The following LDB3 variants were observed in gnomAD, a reference collection of about 807,000 sequenced individuals.
LDB3 encodes the protein LIM domain-binding protein 3.
Under a neutral mutation model 69.0 loss-of-function variants are expected in LDB3, and 49 were observed. The ratio of observed to expected loss-of-function variants is 0.71; its 90% confidence interval spans 0.56 to 0.90. The LOEUF is 0.90. Ranked by LOEUF, LDB3 falls within the 40% of genes least tolerant of loss-of-function variation. The pLI is 0.00. For synonymous variants in LDB3, 387 were observed against 396.2 expected (o/e 0.98, Z 0.28); for missense variants, 928 against 974.1 (o/e 0.95, Z 0.63).
rs1048561969 is a variant in LDB3 at position 86,726,318 on chromosome 10, T to C, written c.2094+66T>C. The C allele has an allele frequency of 7.9e-6, 10 of 1,267,418 alleles. No homozygotes were observed. In the African/African-American group the frequency reaches 1.5e-4, roughly 19 times the overall value. The allele number at this position is 1,267,418 out of a possible 1,614,324, so 78.5% of individuals were successfully genotyped here. ...CAGGAGGGAGGAAGTGGGAGCCAGA[T>C]GACCAACCTCTACATACCTTGCCAC... On this transcript the variant is annotated intron_variant, in intron 13 of 13. Coordinates refer to ENST00000361373, the MANE Select transcript of LDB3 (RefSeq NM_007078.3).
At chr10:86,673,830 C>T (rs1844620245) in intron 2 of LDB3, among the ~76,000 whole-genome samples, 1 of 152,216 alleles carries the variant, frequency 6.6e-6, no homozygotes, top group African/African-American at 2.4e-5. Flanking sequence ...AAGGCAGGGG[C>T]CTGCCTGGTT....
rs183323335 is a variant in LDB3 at position 86,675,400 on chromosome 10, G to T, written c.94-3967G>T. Among the ~76,000 whole-genome samples the T allele has an allele frequency of 4.5e-3, 692 of 152,350 alleles. 5 individuals are homozygous for T. Among genetic ancestry groups the T allele is most frequent in the African/African-American group, 0.016 (658 of 41,588 alleles). On this transcript the variant is annotated intron_variant, in intron 2 of 13. Transcript: ENST00000361373. ...TCTTGGATATCATTCTGTTGCCCTT[G>T]CTCATGCTGTCATCATGATCTTCTG...
At chr10:86,712,985 C>T (rs1846723731) in intron 9 of LDB3, among the ~76,000 whole-genome samples, 1 of 152,030 alleles carries the variant, frequency 6.6e-6, no homozygotes, top group Non-Finnish European at 1.5e-5. Flanking sequence ...CACTTGAACC[C>T]AGGAGGCAGA....
At chr10:86,671,979 G>A (rs1464001034) in intron 2 of LDB3, among the ~76,000 whole-genome samples, 1 of 152,184 alleles carries the variant, frequency 6.6e-6, no homozygotes, top group African/African-American at 2.4e-5. Flanking sequence ...AGGTGTGGTG[G>A]TACATGCTTG....
chr10:86,705,857 G>A (rs1182956689), intron 7 of LDB3, among the ~76,000 whole-genome samples: 1 of 152,198 alleles, frequency 6.6e-6, no homozygotes, highest in Non-Finnish European at 1.5e-5. Context: ...CTCACCATGG[G>A]CATGGGGAAC....
rs1196423302 is a variant in LDB3 at position 86,734,853 on chromosome 10, G to T, written c.*1877G>T. The T allele has an allele frequency of 6.6e-6, 1 of 152,210 alleles. No homozygotes were observed. The highest frequency in any genetic ancestry group is 2.4e-5 in the African/African-American group (1 of 41,448). The allele number at this position is 152,210 out of a possible 1,614,324, so 9.4% of individuals were successfully genotyped here. On this transcript the variant is annotated 3_prime_UTR_variant, in exon 14 of 14. Transcript: ENST00000361373. ...GCCTGGAGATTTGTCAGGAGCTGCA[G>T]ACAAGTACCTTGGAGCATTCTGTTA...
At chr10:86,672,992 TC>T (rs779194468) in intron 2 of LDB3, among the ~76,000 whole-genome samples, 1 of 152,148 alleles carries the variant, frequency 6.6e-6, no homozygotes, top group Non-Finnish European at 1.5e-5. Flanking sequence ...TTCTGCATGG[TC>T]CCCTCTCATC....
rs147072071 is a variant in LDB3 at position 86,716,582 on chromosome 10, T to C, written c.1487T>C (p.Phe496Ser). 181 of 1,613,196 alleles carry C rather than the reference T, an allele frequency of 1.1e-4. No individual in the cohort carries two copies. The highest frequency in any genetic ancestry group is 1.4e-4 in the Non-Finnish European group (162 of 1,179,880). ...SRPPWVTDDS[F>S]SQKFAPGKST... ...CCACCCTGGGTGACAGATGATAGCT[T>C]CTCCCAGAAGTTTGCCCCGGGCAAG... The change falls in exon 10 of 14, where the codon TTC becomes TCC. Residue 496 changes from phenylalanine to serine, a missense_variant. Physicochemically the swap from Phe to Ser is radical, Grantham distance 155. Transcript: ENST00000361373.
chr10:86,718,905 C>A, intron 12 of LDB3, 58 bp downstream of exon 12: 1 of 1,607,302 alleles, frequency 6.2e-7, no homozygotes, highest in Non-Finnish European at 8.5e-7. Context: ...AAGGGGCAGG[C>A]ACAGGGAACT....
intron 12 of LDB3, among the ~76,000 whole-genome samples, chr10:86,722,793 T>C (rs189392941): frequency 5.9e-4 from 89 of 151,012 alleles, no homozygotes; most frequent in African/African-American, 1.8e-3. Context: ...GGTCTTGAAC[T>C]CCTGACCTCG....
intron 10 of LDB3, 136 bp downstream of exon 10, chr10:86,716,907 C>T: frequency 2.1e-6 from 2 of 942,982 alleles, no homozygotes; most frequent in Non-Finnish European, 3.3e-6. Flanking sequence ...GTCCTTCTGG[C>T]TTGCCATCTG....
chr10:86,689,238 T>C (rs1206246174), intron 5 of LDB3, among the ~76,000 whole-genome samples: 1 of 152,114 alleles, frequency 6.6e-6, no homozygotes, highest in East Asian at 1.9e-4. Context: ...CACTCACGGC[T>C]GGGTTTTCCT....
intron 9 of LDB3, among the ~76,000 whole-genome samples, chr10:86,710,844 C>T (rs947723276): frequency 4.6e-5 from 7 of 152,206 alleles, no homozygotes; most frequent in African/African-American, 1.7e-4. Context: ...AGACAGAGGC[C>T]GGTGCCACGG....
intron 13 of LDB3, among the ~76,000 whole-genome samples, chr10:86,730,954 A>C (rs1589689684): frequency 6.6e-6 from 1 of 151,864 alleles, no homozygotes; most frequent in African/African-American, 2.4e-5. Flanking sequence ...GGAGTTTGAA[A>C]CCAGCCTGGC....
chr10:86,702,532 C>T (rs751783966), intron 7 of LDB3, among the ~76,000 whole-genome samples: 22 of 152,182 alleles, frequency 1.4e-4, no homozygotes, highest in Non-Finnish European at 2.4e-4. Context: ...GCCACGCCAA[C>T]CCCCCATGGA....
In LDB3 at chr10:86,709,918, T is replaced by C. The variant is rs1589667198; in HGVS notation, c.1099T>C (p.Ser367Pro). Residue 367 changes from serine to proline, a missense_variant, in exon 9 of 14, where the codon TCC (serine) becomes CCC (proline). Coordinates refer to ENST00000361373, the MANE Select transcript of LDB3 (RefSeq NM_007078.3). ...GCTTGGTTCCAGGCCCCAGGCCTCT[T>C]CCTACAGCCCCGCAGTGGCCGCCTC... ...PADSPRPQAS[S>P]YSPAVAASSA... The C allele has an allele frequency of 1.2e-6, 2 of 1,611,244 alleles. No homozygotes were observed. Among genetic ancestry groups the C allele is most frequent in the Middle Eastern group, 1.7e-4 (1 of 5,880 alleles).
Position 86,681,692 on chromosome 10 carries a change from G to A in LDB3, c.578G>A (p.Arg193Lys), listed in dbSNP as rs1280197779. ...GCCCTGCCGGGCTCGAGCCAGCCGAGGCAATATAACAACCCCATTGGCCTG... is the reference window on the plus strand; with the variant it reads ...GCCCTGCCGGGCTCGAGCCAGCCGAAGCAATATAACAACCCCATTGGCCTG... ...PKALPGSSQP[R>K]QYNNPIGLYS... is the part of the protein sequence containing the mutation. The change falls in exon 5 of 14, where the codon AGG (arginine) becomes AAG (lysine). Residue 193 changes from arginine (R) to lysine (K), a missense_variant. Physicochemically the swap from Arg to Lys is conservative, Grantham distance 26 (BLOSUM62 2). Transcript: ENST00000361373. 6.2e-7 allele frequency: 1 copy of A among 1,613,666 alleles called. No individual in the cohort carries two copies. The highest frequency in any genetic ancestry group is 1.1e-5 in the South Asian group (1 of 91,054).
At chr10:86,673,341 A>G (rs1162413318) in intron 2 of LDB3, among the ~76,000 whole-genome samples, 2 of 152,190 alleles carry the variant, frequency 1.3e-5, no homozygotes, top group African/African-American at 4.8e-5. Context: ...TATGCGTGGA[A>G]TAATGGGGCC....
intron 12 of LDB3, 91 bp downstream of exon 12, chr10:86,718,938 A>G: frequency 6.5e-7 from 1 of 1,529,374 alleles, no homozygotes; most frequent in Non-Finnish European, 8.9e-7. Flanking sequence ...ATCCATTCAC[A>G]TCCGACCACC....
Sources: allele counts gnomAD v4.1 joint callset (sites outside exome capture counted in the v4.1 genomes callset), GRCh38; gene constraint gnomAD v4.1.1; transcripts MANE v1.5; gene names NCBI Gene and HGNC (gene_info 2026-07-23, HGNC 2026-07-21).